ADAMTS17: variants seen among roughly 807,000 people sequenced by gnomAD.
The protein encoded by ADAMTS17 is ADAM metallopeptidase with thrombospondin type 1 motif 17.
In ADAMTS17, 113 loss-of-function variants were observed where a neutral mutation model predicts 141.5. That is an observed-to-expected ratio of 0.80 (90% CI 0.69 to 0.93). The LOEUF (loss-of-function observed/expected upper bound fraction) is 0.93. Ranked by LOEUF, ADAMTS17 falls within the 40% of genes least tolerant of loss-of-function variation. ADAMTS17 has a pLI of 0.00. For missense variants in ADAMTS17, 1,659 were observed against 1,517.9 expected, an observed-to-expected ratio of 1.09 and a Z score of -1.54; for synonymous variants, 768 against 630.6, an observed-to-expected ratio of 1.22 and a Z score of -3.27.
At chr15:100,020,528 C>T (rs974555349) in intron 18 of ADAMTS17, among the ~76,000 whole-genome samples, 1 of 152,334 alleles carries the variant, frequency 6.6e-6, no homozygotes, top group South Asian at 2.1e-4. Context: ...TGCAGGTTCA[C>T]TCCCTGACTC....
intron 18 of ADAMTS17, among the ~76,000 whole-genome samples, chr15:100,032,646 G>C (rs934003982): frequency 2.6e-5 from 4 of 152,166 alleles, no homozygotes; most frequent in Non-Finnish European, 5.9e-5. Context: ...TGGTCAAAAG[G>C]GTTCTTTTTA....
chr15:100,283,794 G>C (rs1210198124), intron 3 of ADAMTS17, among the ~76,000 whole-genome samples: 1 of 152,130 alleles, frequency 6.6e-6, no homozygotes, highest in Non-Finnish European at 1.5e-5. Context: ...GGTTGTTCCT[G>C]GACACTTAAC....
chr15:100,298,638 G>T (rs540749517), intron 3 of ADAMTS17, among the ~76,000 whole-genome samples: 1 of 152,232 alleles, frequency 6.6e-6, no homozygotes, highest in African/African-American at 2.4e-5. Context: ...TTGCATTAGG[G>T]AAGAACAAAG....
At chr15:100,096,255 C>A (rs1297111756) in intron 15 of ADAMTS17, 101 bp downstream of exon 15, 5 of 1,584,504 alleles carry the variant, frequency 3.2e-6, no homozygotes, top group Non-Finnish European at 3.4e-6. Context: ...CCACTACCAT[C>A]TAGCCCTTAA....
At position 100,152,707 on chromosome 15, in the gene ADAMTS17, G is replaced by C. The variant is rs763161481; in HGVS notation, c.1378C>G (p.Arg460Gly). ...VTDPRSQHTVRLPHKLPGMHY... is the reference protein window; with the variant it reads ...VTDPRSQHTVGLPHKLPGMHY... Reference sequence around the variant, plus strand: ...ATGCCCGGCAGCTTGTGCGGGAGGCGTACTGTGTGCTGGCTTCTGGGGTCC... The same window carrying C: ...ATGCCCGGCAGCTTGTGCGGGAGGCCTACTGTGTGCTGGCTTCTGGGGTCC... The change falls in exon 10 of 22, where the codon CGC (arginine) becomes GGC (glycine). Residue 460 changes from arginine (R) to glycine (G), a missense_variant. Transcript: ENST00000268070. 6.2e-6 allele frequency: 10 copies of C among 1,614,088 alleles called. No homozygotes were observed. The highest frequency in any genetic ancestry group is 8.5e-6 in the Non-Finnish European group (10 of 1,180,054).
intron 8 of ADAMTS17, among the ~76,000 whole-genome samples, chr15:100,172,168 TCC>T (rs1252429117): frequency 6.6e-6 from 1 of 152,174 alleles, no homozygotes. Context: ...AAGCATTGGT[TCC>T]CAAGTGTGGC....
At chr15:100,045,570 T>C (rs1419668115) in intron 18 of ADAMTS17, among the ~76,000 whole-genome samples, 1 of 152,218 alleles carries the variant, frequency 6.6e-6, no homozygotes, top group East Asian at 1.9e-4. Context: ...TTCTTAGATT[T>C]GGCCCTAGTC....
At chr15:100,278,511 ACCT>A (rs2044176521) in intron 4 of ADAMTS17, among the ~76,000 whole-genome samples, 1 of 152,118 alleles carries the variant, frequency 6.6e-6, no homozygotes, top group Non-Finnish European at 1.5e-5. Context: ...TGGCAAGTGT[ACCT>A]TGCAGAAGAG....
intron 18 of ADAMTS17, among the ~76,000 whole-genome samples, chr15:100,009,105 G>C (rs1036311401): frequency 2.0e-5 from 3 of 152,120 alleles, no homozygotes; most frequent in African/African-American, 7.2e-5. Context: ...CTCCCAAAGT[G>C]CTAGGATTAG....
At position 99,973,859 on chromosome 15, in the gene ADAMTS17, G is replaced by C; in HGVS notation, c.*543C>G. ...TCTCAGAGACGGGCATGGAGGCAAC[G>C]TCCTGGTTCTCATGTGGTCAAGAAG... is the stretch of plus-strand genomic sequence containing the variant. On this transcript the variant is annotated 3_prime_UTR_variant, in exon 22 of 22. Coordinates refer to ENST00000268070, the MANE Select transcript of ADAMTS17 (RefSeq NM_139057.4). The C allele has an allele frequency of 5.1e-6, 1 of 196,786 alleles. No individual in the cohort carries two copies. The highest frequency in any genetic ancestry group is 5.3e-5 in the Admixed American group (1 of 18,878). The allele number at this position is 196,786 out of a possible 1,614,324, so 12.2% of individuals were successfully genotyped here.
chr15:100,160,636 C>T (rs1399075390), intron 8 of ADAMTS17, among the ~76,000 whole-genome samples: 1 of 152,226 alleles, frequency 6.6e-6, no homozygotes, highest in East Asian at 1.9e-4. Context: ...ATATTCCTCA[C>T]AGGGATGTGG....
rs28483526 is a variant in ADAMTS17 at position 99,991,886 on chromosome 15, G to A, written c.2949+1162C>T. 7.6e-3 allele frequency among the ~76,000 whole-genome samples: 1,154 copies of A among 152,244 alleles called. 14 individuals carry two copies. The highest frequency in any genetic ancestry group is 0.026 in the African/African-American group (1,089 of 41,540). On this transcript the variant is annotated intron_variant, in intron 20 of 21. Coordinates refer to ENST00000268070, the MANE Select transcript of ADAMTS17 (RefSeq NM_139057.4). ...TGTCCTTTGCAGGGACATGGATGAA[G>A]CTGGAAACCATCATTCTCAGCAAAC...
intron 10 of ADAMTS17, among the ~76,000 whole-genome samples, chr15:100,147,834 A>G (rs2038981631): frequency 1.3e-5 from 2 of 152,384 alleles, no homozygotes; most frequent in South Asian, 4.1e-4. Flanking sequence ...TAGTGGCTTA[A>G]AACAACACAA....
intron 12 of ADAMTS17, chr15:100,128,500 GCTGT>G (rs1322250573): frequency 6.6e-6 from 1 of 152,166 alleles, no homozygotes; most frequent in Non-Finnish European, 1.5e-5. Flanking sequence ...CAAACCCTCA[GCTGT>G]CTGTGTACCG....
intron 2 of ADAMTS17, among the ~76,000 whole-genome samples, chr15:100,331,970 G>A (rs966005289): frequency 6.6e-6 from 1 of 151,954 alleles, no homozygotes; most frequent in African/African-American, 2.4e-5. Context: ...TAAGCCAAAT[G>A]AGATAGACCC....
intron 15 of ADAMTS17, among the ~76,000 whole-genome samples, chr15:100,084,543 C>T (rs1298525317): frequency 6.6e-6 from 1 of 152,210 alleles, no homozygotes; most frequent in Non-Finnish European, 1.5e-5. Flanking sequence ...CAGACTGCCT[C>T]CTCAAGTTGG....
intron 3 of ADAMTS17, among the ~76,000 whole-genome samples, chr15:100,321,154 C>T (rs2045721629): frequency 6.6e-6 from 1 of 152,196 alleles, no homozygotes; most frequent in African/African-American, 2.4e-5. Flanking sequence ...CCTGATGCCT[C>T]AGACTTCCTT....
intron 18 of ADAMTS17, among the ~76,000 whole-genome samples, chr15:100,009,140 T>C (rs968770535): frequency 5.9e-5 from 9 of 152,126 alleles, no homozygotes; most frequent in African/African-American, 2.2e-4. Flanking sequence ...GCGCCTGGCA[T>C]ACCCTGTCCT....
At chr15:100,302,443 C>T (rs1332552632) in intron 3 of ADAMTS17, among the ~76,000 whole-genome samples, 2 of 152,178 alleles carry the variant, frequency 1.3e-5, no homozygotes, top group Non-Finnish European at 2.9e-5. Context: ...GTGGCTAAGT[C>T]ATACAGTAAT....
Sources: allele counts gnomAD v4.1 joint callset (sites outside exome capture counted in the v4.1 genomes callset), GRCh38; gene constraint gnomAD v4.1.1; transcripts MANE v1.5; gene names NCBI Gene and HGNC (gene_info 2026-07-23, HGNC 2026-07-21).